Variants in ADGRL3 observed in about 807,000 individuals in gnomAD.
ADGRL3 encodes the protein calcium-independent alpha-latrotoxin receptor 3.
Under a neutral mutation model 153.5 loss-of-function variants are expected in ADGRL3, and 62 were observed. That is an observed-to-expected ratio of 0.40 (90% CI 0.33 to 0.50). The LOEUF is 0.50. ADGRL3 is among the 20% of genes least tolerant of loss of function. The pLI, the probability that ADGRL3 is intolerant of heterozygous loss-of-function variation, is 0.47. For synonymous variants in ADGRL3, 710 were observed against 672.5 expected (o/e 1.06, Z -0.86); for missense variants, 1,641 against 1,859.4 (o/e 0.88, Z 2.16).
intron 2 of ADGRL3, among the ~76,000 whole-genome samples, chr4:61,391,813 G>A (rs999617598): frequency 7.4e-6 from 1 of 135,826 alleles, no homozygotes; most frequent in Non-Finnish European, 1.6e-5. Flanking sequence ...TTTTATTGCT[G>A]TTTAGATTTA....
intron 5 of ADGRL3, among the ~76,000 whole-genome samples, chr4:61,647,680 G>A (rs900462744): frequency 6.6e-6 from 1 of 150,454 alleles, no homozygotes; most frequent in Non-Finnish European, 1.5e-5. Context: ...TACAGTAATT[G>A]TAATATACTG....
intron 19 of ADGRL3, among the ~76,000 whole-genome samples, chr4:61,985,470 A>T (rs543656702): frequency 6.6e-6 from 1 of 152,264 alleles, no homozygotes; most frequent in African/African-American, 2.4e-5. Context: ...CCAATTAGAC[A>T]TTAATAAAAA....
chr4:61,687,729 G>A (rs2095472018), intron 6 of ADGRL3, among the ~76,000 whole-genome samples: 1 of 151,918 alleles, frequency 6.6e-6, no homozygotes, highest in African/African-American at 2.4e-5. Flanking sequence ...GGTAAATAAA[G>A]AGTTGTTTAT....
intron 5 of ADGRL3, among the ~76,000 whole-genome samples, chr4:61,670,973 A>G (rs2094971831): frequency 6.6e-6 from 1 of 152,172 alleles, no homozygotes; most frequent in African/African-American, 2.4e-5. Flanking sequence ...GCATTTTGTT[A>G]TAACAGGAAG....
chr4:61,993,452 C>T (rs1158106758), intron 19 of ADGRL3, among the ~76,000 whole-genome samples: 3 of 151,332 alleles, frequency 2.0e-5, no homozygotes, highest in East Asian at 3.9e-4. Flanking sequence ...TCACCAGGTC[C>T]GGCTAATTTT....
intron 13 of ADGRL3, among the ~76,000 whole-genome samples, chr4:61,930,175 C>CAAA (rs5858743): frequency 2.8e-5 from 2 of 72,528 alleles, no homozygotes; most frequent in African/African-American, 4.9e-5. Flanking sequence ...GACTCTGTCT[C>CAAA]AAAAAAAAAA....
At chr4:61,580,936 C>G (rs938238363) in intron 4 of ADGRL3, among the ~76,000 whole-genome samples, 1 of 151,938 alleles carries the variant, frequency 6.6e-6, no homozygotes, top group African/African-American at 2.4e-5. Context: ...CATCCACATT[C>G]AAGAGAAAAG....
chr4:62,062,125 T>G (rs548550312), intron 25 of ADGRL3, among the ~76,000 whole-genome samples: 2 of 152,186 alleles, frequency 1.3e-5, no homozygotes, highest in Non-Finnish European at 2.9e-5. Flanking sequence ...CATCGTTTAA[T>G]GTTTTTCACC....
At chr4:61,783,898 A>G (rs150878736) in intron 8 of ADGRL3, among the ~76,000 whole-genome samples, 1 of 152,238 alleles carries the variant, frequency 6.6e-6, no homozygotes, top group African/African-American at 2.4e-5. Flanking sequence ...AGAAATGTGG[A>G]CTACATTAGA....
At chr4:61,372,067 G>A (rs905300363) in intron 1 of ADGRL3, among the ~76,000 whole-genome samples, 1 of 152,052 alleles carries the variant, frequency 6.6e-6, no homozygotes, top group African/African-American at 2.4e-5. Context: ...TCGAGCCTTG[G>A]TTTTCAGCTC....
At chr4:61,888,278 A>G (rs2098550748) in intron 9 of ADGRL3, among the ~76,000 whole-genome samples, 2 of 152,238 alleles carry the variant, frequency 1.3e-5, no homozygotes, top group African/African-American at 2.4e-5. Flanking sequence ...TTTCTCTGAT[A>G]TACAAACACA....
At position 61,636,237 on chromosome 4, in the gene ADGRL3, A is replaced by G. The variant is rs182073850; in HGVS notation, c.474-40589A>G. ...AATGCTCACATTCACTAAAAAAATTACAATACACAAAAAAGCAGGAAAATA... is the reference window on the plus strand; with the variant it reads ...AATGCTCACATTCACTAAAAAAATTGCAATACACAAAAAAGCAGGAAAATA... On this transcript the variant is annotated intron_variant, in intron 5 of 26. Coordinates refer to ENST00000683033, the MANE Select transcript of ADGRL3 (RefSeq NM_001387552.1). Among the ~76,000 whole-genome samples, 23 of 152,262 alleles carry G rather than the reference A, an allele frequency of 1.5e-4. No individual in the cohort carries two copies. In the East Asian group the frequency reaches 4.4e-3, roughly 29 times the overall value.
At chr4:61,373,849 AT>A in intron 1 of ADGRL3, among the ~76,000 whole-genome samples, 1 of 152,262 alleles carries the variant, frequency 6.6e-6, no homozygotes, top group Middle Eastern at 3.4e-3. Context: ...GATGATATGA[AT>A]TTTCCCCCAA....
intron 21 of ADGRL3, among the ~76,000 whole-genome samples, chr4:62,006,141 T>G (rs1165926558): frequency 6.7e-6 from 1 of 150,280 alleles, no homozygotes; most frequent in Non-Finnish European, 1.5e-5. Flanking sequence ...TTTAAGGGAT[T>G]CTCCTGCCTC....
chr4:61,933,344 C>G (rs1389868577), intron 13 of ADGRL3, among the ~76,000 whole-genome samples: 2 of 151,280 alleles, frequency 1.3e-5, no homozygotes, highest in Non-Finnish European at 2.9e-5. Flanking sequence ...TGGCATTGCC[C>G]TTATAGAGAA....
intron 2 of ADGRL3, among the ~76,000 whole-genome samples, chr4:61,471,412 G>C (rs1353925465): frequency 6.6e-6 from 1 of 151,634 alleles, no homozygotes; most frequent in Non-Finnish European, 1.5e-5. Context: ...AGATGGAAGT[G>C]ATGTTAATAG....
chr4:61,872,641 A>G (rs2098452410), intron 9 of ADGRL3, among the ~76,000 whole-genome samples: 1 of 149,086 alleles, frequency 6.7e-6, no homozygotes, highest in Admixed American at 6.7e-5. Context: ...TCTAGTCTCA[A>G]TGTTAACCTT....
At chr4:61,641,219 T>G (rs2093651758) in intron 5 of ADGRL3, among the ~76,000 whole-genome samples, 1 of 152,168 alleles carries the variant, frequency 6.6e-6, no homozygotes. Context: ...CATGATGTGA[T>G]GCCTACTTGG....
chr4:61,450,269 T>C (rs1578926879), intron 2 of ADGRL3, among the ~76,000 whole-genome samples: 1 of 152,312 alleles, frequency 6.6e-6, no homozygotes, highest in Non-Finnish European at 1.5e-5. Flanking sequence ...GTTTTAAAAA[T>C]CCCTGAAATT....
Sources: gnomAD v4.1 joint callset for allele counts (sites outside exome capture counted in the v4.1 genomes callset) on GRCh38, gnomAD v4.1.1 for gene constraint, MANE v1.5 for transcripts, NCBI Gene and HGNC (gene_info 2026-07-23, HGNC 2026-07-21) for gene names.